The following RTN4 variants were observed in gnomAD, a reference collection of about 807,000 sequenced individuals.
RTN4 encodes reticulon-4.
A neutral mutation model predicts 90.4 loss-of-function variants in RTN4; 32 were observed. The ratio of observed to expected loss-of-function variants is 0.35; its 90% CI spans 0.27 to 0.48. The LOEUF (loss-of-function observed/expected upper bound fraction) is 0.48. RTN4 is among the 20% of genes least tolerant of loss of function. RTN4 has a pLI of 0.99. For synonymous variants in RTN4, 629 were observed against 552.5 expected (o/e 1.14, Z -1.94); for missense variants, 1,706 against 1,430.2 (o/e 1.19, Z -3.11).
chr2:55,044,785 T>TAA (rs10639848), intron 1 of RTN4, among the ~76,000 whole-genome samples: 23,382 of 65,678 alleles, frequency 0.36, 5,916 homozygotes, highest in African/African-American at 0.39. Context: ...TGCAAATCAC[T>TAA]AAAAAAAAAA....
chr2:55,050,817 T>TG (rs11374786), upstream of RTN4: 137,899 of 151,502 alleles, frequency 0.91, 62,860 homozygotes, highest in Middle Eastern at 0.98. The surrounding 1 kb of genome is among the most constrained non-coding windows in gnomAD (Gnocchi z 4.6). Flanking sequence ...TGCCCGCAGC[T>TG]GGCGTCCGTA....
At chr2:55,082,800 C>T (rs190607844) in intron 1 of RTN4, among the ~76,000 whole-genome samples, 22 of 152,266 alleles carry the variant, frequency 1.4e-4, no homozygotes, top group Non-Finnish European at 2.5e-4. Flanking sequence ...CTCACTTAAT[C>T]GTTACAGCCT....
At chr2:55,010,361 C>T in intron 3 of RTN4, 2 of 1,325,212 alleles carry the variant, frequency 1.5e-6, no homozygotes, top group African/African-American at 1.5e-5. Flanking sequence ...TAATGCTTTC[C>T]TTCTATCTGT....
chr2:54,991,070 C>T (rs1188126425), intron 3 of RTN4, among the ~76,000 whole-genome samples: 1 of 152,166 alleles, frequency 6.6e-6, no homozygotes, highest in Non-Finnish European at 1.5e-5. Context: ...GCGTGGGCTA[C>T]CATGCCCGGC....
chr2:55,073,272 C>T (rs1009549105), intron 2 of RTN4, among the ~76,000 whole-genome samples: 3 of 152,122 alleles, frequency 2.0e-5, no homozygotes, highest in Non-Finnish European at 2.9e-5. Flanking sequence ...TATTTCTCTC[C>T]GTAAATACCA....
chr2:55,059,394 C>T (rs1237560675), intron 2 of RTN4, among the ~76,000 whole-genome samples: 1 of 151,774 alleles, frequency 6.6e-6, no homozygotes, highest in African/African-American at 2.4e-5. Context: ...CACTCTGTTG[C>T]CCAGGATGGA....
In RTN4 at chr2:55,025,770, C is replaced by T. The variant is rs768438198; in HGVS notation, c.2329G>A (p.Glu777Lys). ...TTATTTTCATATTCTATCATTGACTCAAATGAAGTCTCAGTGAGACTTTCT... is the reference window on the plus strand; with the variant it reads ...TTATTTTCATATTCTATCATTGACTTAAATGAAGTCTCAGTGAGACTTTCT... ...VKESLTETSF[E>K]SMIEYENKEK... is the part of the protein sequence containing the mutation. The change falls in exon 3 of 9, where the codon GAG becomes AAG. Residue 777 changes from glutamate to lysine, a missense_variant. Transcript: ENST00000337526. The T allele has an allele frequency of 6.2e-7, 1 of 1,613,384 alleles. No homozygotes were observed. The highest frequency in any genetic ancestry group is 2.2e-5 in the East Asian group (1 of 44,856).
Position 55,028,229 on chromosome 2 carries a change from C to T in RTN4, c.557-9G>A. 2 of 1,610,774 alleles carry T rather than the reference C, an allele frequency of 1.2e-6. No homozygotes were observed. Among genetic ancestry groups the T allele is most frequent in the Non-Finnish European group, 1.7e-6 (2 of 1,177,856 alleles). On this transcript the variant is annotated splice_polypyrimidine_tract_variant and intron_variant, in intron 1 of 8. Coordinates refer to ENST00000337526, the MANE Select transcript of RTN4 (RefSeq NM_020532.5). ...AGCAAAAAGGGTCTCATCTGAAAAA[C>T]AAATAGAATATAACCTCAGCAGAAA...
rs1485524081 is a variant in RTN4, at chr2:54,995,644, C to G, written c.3014-7946G>C. ...TGGGTCACGGGTGGCCAGAGCCTAT[C>G]CTGACATCTCAGGGTGCAAGGCAGG... On this transcript the variant is annotated intron_variant, in intron 3 of 8. Coordinates refer to ENST00000337526, the MANE Select transcript of RTN4 (RefSeq NM_020532.5). Among the ~76,000 whole-genome samples, 8 of 152,138 alleles carry G rather than the reference C, an allele frequency of 5.3e-5. No homozygotes were observed. In the East Asian group the frequency reaches 1.5e-3, roughly 29 times the overall value.
chr2:55,079,728 C>T (rs555627146), intron 2 of RTN4, among the ~76,000 whole-genome samples: 1 of 152,286 alleles, frequency 6.6e-6, no homozygotes, highest in African/African-American at 2.4e-5. Flanking sequence ...CATGGGGCAA[C>T]AGTTCTGGAC....
chr2:55,126,242 G>T, the RTN4 span, among the ~76,000 whole-genome samples: 1 of 152,026 alleles, frequency 6.6e-6, no homozygotes, highest in Non-Finnish European at 1.5e-5. Flanking sequence ...GGTGGCGCAT[G>T]CCTGTAATCT....
intron 1 of RTN4, among the ~76,000 whole-genome samples, chr2:55,084,157 A>G (rs1387205067): frequency 1.3e-5 from 2 of 152,034 alleles, no homozygotes; most frequent in Non-Finnish European, 2.9e-5. Flanking sequence ...AAAATCCCCA[A>G]ACTACGGGGT....
At chr2:54,978,902 T>C (rs983333004) in intron 5 of RTN4, among the ~76,000 whole-genome samples, 1 of 152,142 alleles carries the variant, frequency 6.6e-6, no homozygotes, top group African/African-American at 2.4e-5. Flanking sequence ...TTTCCTTATG[T>C]TGAAAAAGTA....
chr2:55,115,548 T>A (rs539402084), upstream of RTN4, among the ~76,000 whole-genome samples: 1 of 152,190 alleles, frequency 6.6e-6, no homozygotes, highest in South Asian at 2.1e-4. Flanking sequence ...AATCTGAGAA[T>A]AAAGAGATAA....
rs200786732 is a variant in RTN4, at chr2:54,972,558, T to C, written c.*598A>G. Reference sequence around the variant, plus strand: ...ACTGACTCTGAAATATCAAGCACTGTGGGGTGGCTGGAAGGTAAAGGTCTA... The same window carrying C: ...ACTGACTCTGAAATATCAAGCACTGCGGGGTGGCTGGAAGGTAAAGGTCTA... On this transcript the variant is annotated 3_prime_UTR_variant, in exon 9 of 9. Transcript: ENST00000337526. The C allele has an allele frequency of 1.3e-5, 2 of 152,636 alleles. No individual in the cohort carries two copies. Among genetic ancestry groups the C allele is most frequent in the African/African-American group, 4.8e-5 (2 of 41,450 alleles). The allele number at this position is 152,636 out of a possible 1,614,324, so 9.5% of individuals were successfully genotyped here.
chr2:54,984,883 A>T (rs1678424488), intron 4 of RTN4, among the ~76,000 whole-genome samples: 1 of 152,192 alleles, frequency 6.6e-6, no homozygotes, highest in Non-Finnish European at 1.5e-5. Context: ...AGGCAGGAGG[A>T]TTGCTTGAGT....
rs758659916 is a variant in RTN4, at chr2:55,049,999, G to T, written c.302C>A (p.Ala101Asp). The T allele has an allele frequency of 9.4e-6, 13 of 1,377,756 alleles. No homozygotes were observed. Among genetic ancestry groups the T allele is most frequent in the Non-Finnish European group, 9.3e-6 (10 of 1,073,020 alleles). 85.3% of individuals were successfully genotyped at this position (1,377,756 alleles called of 1,614,324 possible). A position where few individuals can be genotyped will look rare whatever the true frequency, so the allele number is the denominator to read the frequency against. Residue 101 changes from alanine (A) to aspartate (D), a missense_variant, in exon 1 of 9, where the codon GCC (alanine) becomes GAC (aspartate). Ala to Asp is a moderately radical substitution (Grantham distance 126). Transcript: ENST00000337526. ...RGPLPAAPPV[A>D]PERQPSWDPS... ...GTCCCAAGACGGCTGCCGCTCCGGG[G>T]CGACGGGGGGAGCGGCCGGCAGGGG...
rs1306275148 is a variant in RTN4, at chr2:55,049,909, G to C, written c.392C>G (p.Ser131Cys). The C allele has an allele frequency of 1.5e-6, 2 of 1,332,252 alleles. No homozygotes were observed. The highest frequency in any genetic ancestry group is 1.9e-6 in the Non-Finnish European group (2 of 1,046,932). The allele number at this position is 1,332,252 out of a possible 1,614,324, so 82.5% of individuals were successfully genotyped here. A position where few individuals can be genotyped will look rare whatever the true frequency, so the allele number is the denominator to read the frequency against. The change falls in exon 1 of 9, where the codon TCC becomes TGC. Residue 131 changes from serine to cysteine, a missense_variant. Ser to Cys is a moderately radical substitution (Grantham distance 112). Transcript: ENST00000337526. The part of the protein sequence containing the change: ...SPLSAAAVSP[S>C]KLPEDDEPPA... ...AGGCTCGTCGTCCTCAGGGAGCTTG[G>C]AGGGCGAGACTGCGGCAGCAGACAG...
At chr2:55,133,518 T>C in the RTN4 span, among the ~76,000 whole-genome samples, 1 of 152,330 alleles carries the variant, frequency 6.6e-6, no homozygotes, top group Admixed American at 6.5e-5. Context: ...TGCAGGATAC[T>C]GCCCACACCG....
Sources: allele counts gnomAD v4.1 joint callset (sites outside exome capture counted in the v4.1 genomes callset), GRCh38; gene constraint gnomAD v4.1.1; non-coding constraint Gnocchi (gnomAD v3.1); transcripts MANE v1.5; gene names NCBI Gene and HGNC (gene_info 2026-07-23, HGNC 2026-07-21).